The following CWF19L2 variants were observed in gnomAD, a reference collection of about 807,000 sequenced individuals.
The protein encoded by CWF19L2 is CWF19 like cell cycle control factor 2, also known as CWF19-like protein 2.
CWF19L2 carries 98 observed loss-of-function variants against 111.7 expected under a neutral mutation model. The observed-to-expected ratio is 0.88, with a 90% CI of 0.75 to 1.04. The LOEUF (loss-of-function observed/expected upper bound fraction) is 1.04, where lower values mean the gene tolerates loss of function less well. Among genes scored for constraint, CWF19L2 ranks in the 50% least tolerant of loss-of-function variants. The pLI is 0.00. For missense variants in CWF19L2, 1,101 were observed against 1,051.4 expected (o/e 1.05, Z -0.65); for synonymous variants, 351 against 342.9 (o/e 1.02, Z -0.26).
intron 17 of CWF19L2, among the ~76,000 whole-genome samples, chr11:107,329,540 A>G (rs531906364): frequency 1.3e-5 from 2 of 152,334 alleles, no homozygotes; most frequent in Middle Eastern, 3.4e-3. Context: ...AGTGAAATTT[A>G]TAATAATATC....
At chr11:107,380,046 C>CAA (rs66699460) in intron 12 of CWF19L2, among the ~76,000 whole-genome samples, 1,408 of 34,406 alleles carry the variant, frequency 0.041, 338 homozygotes, top group East Asian at 0.089. Context: ...GACACCGTCT[C>CAA]AAAAAAAAAA....
At chr11:107,455,556 CA>C in intron 2 of CWF19L2, 109 bp downstream of exon 2, 1 of 604,706 alleles carries the variant, frequency 1.7e-6, no homozygotes, top group Non-Finnish European at 2.8e-6. Flanking sequence ...ATGTGATATT[CA>C]TTTTGTAACT....
intron 8 of CWF19L2, among the ~76,000 whole-genome samples, chr11:107,420,573 TC>T (rs201970827): frequency 6.0e-5 from 9 of 151,152 alleles, no homozygotes; most frequent in African/African-American, 1.9e-4. Flanking sequence ...AATATAATAG[TC>T]CCCCCCCTTA....
chr11:107,457,637 GT>G (rs1861874179), intron 1 of CWF19L2, 74 bp downstream of exon 1: 1 of 1,059,260 alleles, frequency 9.4e-7, no homozygotes, highest in Non-Finnish European at 1.4e-6. Context: ...AAGGGAAGGG[GT>G]GAGTGGGCTA....
rs138027747 is a variant in CWF19L2 at position 107,382,418 on chromosome 11, T to G, written c.1872+7656A>C. Among the ~76,000 whole-genome samples the G allele has an allele frequency of 2.3e-3, 349 of 152,330 alleles. 2 individuals carry two copies. Among genetic ancestry groups the G allele is most frequent in the Admixed American group, 5.0e-3 (77 of 15,298 alleles). ...CTAGGAAAGTTACTTAGCCTTGCGT[T>G]AAGTCATTTAATTCTCTCAAAGTCT... On this transcript the variant is annotated intron_variant, in intron 12 of 17. Transcript: ENST00000282251.
intron 14 of CWF19L2, among the ~76,000 whole-genome samples, chr11:107,338,538 T>G (rs754923074): frequency 6.6e-6 from 1 of 152,110 alleles, no homozygotes; most frequent in African/African-American, 2.4e-5. Flanking sequence ...CAACCATCAG[T>G]TATTCTTCCT....
chr11:107,438,205 C>T (rs982290152), intron 6 of CWF19L2, among the ~76,000 whole-genome samples: 2 of 152,138 alleles, frequency 1.3e-5, no homozygotes, highest in African/African-American at 4.8e-5. Flanking sequence ...GAAAAGAGAA[C>T]ATCACAATTT....
At chr11:107,433,572 A>C in intron 7 of CWF19L2, 62 bp downstream of exon 7, 3 of 611,288 alleles carry the variant, frequency 4.9e-6, no homozygotes, top group Non-Finnish European at 8.0e-6. Flanking sequence ...ACAAAGCTAA[A>C]GGCACTTAAT....
At chr11:107,381,716 A>G (rs1403570231) in intron 12 of CWF19L2, among the ~76,000 whole-genome samples, 2 of 152,140 alleles carry the variant, frequency 1.3e-5, no homozygotes, top group African/African-American at 4.8e-5. Flanking sequence ...TCAAAATCTG[A>G]TATTAGTAGT....
At chr11:107,334,091 C>G (rs574653710) in intron 16 of CWF19L2, among the ~76,000 whole-genome samples, 1 of 152,248 alleles carries the variant, frequency 6.6e-6, no homozygotes, top group African/African-American at 2.4e-5. Flanking sequence ...CAGCACTAGA[C>G]TATAATCTCC....
At chr11:107,333,237 T>C (rs997133212) in intron 16 of CWF19L2, among the ~76,000 whole-genome samples, 1 of 152,170 alleles carries the variant, frequency 6.6e-6, no homozygotes, top group African/African-American at 2.4e-5. Context: ...AAACTGAATA[T>C]ACAACTGCCA....
chr11:107,445,996 T>G (rs1861697153), intron 3 of CWF19L2, among the ~76,000 whole-genome samples: 1 of 152,222 alleles, frequency 6.6e-6, no homozygotes, highest in African/African-American at 2.4e-5. Context: ...TTATCTGGAC[T>G]AAGAGGCAAT....
chr11:107,361,453 T>C (rs1423564257), intron 12 of CWF19L2, among the ~76,000 whole-genome samples: 2 of 152,210 alleles, frequency 1.3e-5, no homozygotes, highest in Non-Finnish European at 2.9e-5. Flanking sequence ...TCTTTGGCTA[T>C]TAAGGCTCTT....
At chr11:107,363,265 G>C (rs1860385932) in intron 12 of CWF19L2, among the ~76,000 whole-genome samples, 2 of 152,116 alleles carry the variant, frequency 1.3e-5, no homozygotes, top group East Asian at 1.9e-4. Flanking sequence ...TATTATCCAG[G>C]AGAACTTCCC....
chr11:107,389,982 A>G, intron 12 of CWF19L2, 92 bp downstream of exon 12: 1 of 1,043,400 alleles, frequency 9.6e-7, no homozygotes, highest in Non-Finnish European at 1.4e-6. Context: ...AATCAAGATT[A>G]GAGAGAACCA....
chr11:107,335,347 A>G (rs1281544750), intron 15 of CWF19L2, among the ~76,000 whole-genome samples: 1 of 152,216 alleles, frequency 6.6e-6, no homozygotes, highest in Non-Finnish European at 1.5e-5. Context: ...AAAAGGCAAC[A>G]GAGTAATTTA....
intron 12 of CWF19L2, among the ~76,000 whole-genome samples, chr11:107,361,106 C>A (rs955149466): frequency 6.6e-6 from 1 of 152,126 alleles, no homozygotes; most frequent in African/African-American, 2.4e-5. Context: ...AGTCTTTAAT[C>A]CATCTTAAGT....
At chr11:107,336,788 A>G (rs1238017480) in intron 14 of CWF19L2, 75 bp from the exon 15 acceptor site, 4 of 818,692 alleles carry the variant, frequency 4.9e-6, no homozygotes, top group African/African-American at 1.8e-5. Flanking sequence ...AGATATTTGA[A>G]ATATGAAAAC....
At chr11:107,445,199 T>C (rs920691779) in intron 3 of CWF19L2, among the ~76,000 whole-genome samples, 2 of 152,240 alleles carry the variant, frequency 1.3e-5, no homozygotes, top group Non-Finnish European at 2.9e-5. Context: ...TCTATATGTC[T>C]TATGAGAATT....
Sources: gnomAD v4.1 joint callset for allele counts (sites outside exome capture counted in the v4.1 genomes callset) on GRCh38, gnomAD v4.1.1 for gene constraint, MANE v1.5 for transcripts, NCBI Gene and HGNC (gene_info 2026-07-23, HGNC 2026-07-21) for gene names.